Variants in CNTNAP2 observed in about 807,000 individuals in gnomAD.
CNTNAP2 encodes contactin associated protein 2, also known as contactin-associated protein-like 2.
CNTNAP2 carries 98 observed loss-of-function variants against 155.2 expected under a neutral mutation model. That is an observed-to-expected ratio of 0.63 (90% CI 0.54 to 0.75). CNTNAP2 has a LOEUF of 0.75. Among genes scored for constraint, CNTNAP2 ranks in the 30% least tolerant of loss-of-function variants. The probability of loss-of-function intolerance (pLI) is 0.00; values close to 1 mark genes in which losing one functional copy is unlikely to be tolerated. For synonymous variants in CNTNAP2, 651 were observed against 631.2 expected, an observed-to-expected ratio of 1.03 and a Z score of -0.47; for missense variants, 1,727 against 1,688.1, an observed-to-expected ratio of 1.02 and a Z score of -0.40.
At position 146,644,551 on chromosome 7, in the gene CNTNAP2, G is replaced by T. The variant is rs557238263; in HGVS notation, c.98-129720G>T. Among the ~76,000 whole-genome samples the T allele has an allele frequency of 4.7e-3, 721 of 152,148 alleles. 10 individuals carry two copies. Among genetic ancestry groups the T allele is most frequent in the African/African-American group, 0.016 (663 of 41,496 alleles). On this transcript the variant is annotated intron_variant, in intron 1 of 23. Coordinates refer to ENST00000361727, the MANE Select transcript of CNTNAP2 (RefSeq NM_014141.6). ...GGTTTTTGATGTGCTGCTGGATTCG[G>T]TTTGCCAGTATTTTATTGAGGATTT...
chr7:146,956,388 T>G (rs1797436647), intron 3 of CNTNAP2, among the ~76,000 whole-genome samples: 1 of 152,174 alleles, frequency 6.6e-6, no homozygotes, highest in South Asian at 2.1e-4. Context: ...TCCTATTTAT[T>G]CACTACATCA....
intron 1 of CNTNAP2, among the ~76,000 whole-genome samples, chr7:146,478,655 C>A (rs1274001204): frequency 6.6e-6 from 1 of 151,646 alleles, no homozygotes; most frequent in African/African-American, 2.4e-5. Context: ...TCCAGATAAC[C>A]AACCCCTCCC....
chr7:146,429,179 G>A (rs1228341750), intron 1 of CNTNAP2, among the ~76,000 whole-genome samples: 1 of 152,022 alleles, frequency 6.6e-6, no homozygotes, highest in East Asian at 1.9e-4. Flanking sequence ...CTCCATCATT[G>A]TTCTTTTTGC....
chr7:146,134,396 C>T (rs1230033193), intron 1 of CNTNAP2, among the ~76,000 whole-genome samples: 2 of 146,576 alleles, frequency 1.4e-5, no homozygotes, highest in African/African-American at 5.0e-5. Flanking sequence ...ATTGAATACC[C>T]TTTATTTCCT....
At chr7:148,096,857 TC>T (rs903289170) in intron 15 of CNTNAP2, among the ~76,000 whole-genome samples, 4 of 152,092 alleles carry the variant, frequency 2.6e-5, no homozygotes, top group Non-Finnish European at 5.9e-5. Context: ...GATCTTAATA[TC>T]CCTTAATATA....
chr7:147,270,065 A>C (rs769353814), intron 8 of CNTNAP2, among the ~76,000 whole-genome samples: 69 of 147,034 alleles, frequency 4.7e-4, no homozygotes, highest in Non-Finnish European at 9.1e-4. Flanking sequence ...TTATCACTTA[A>C]AAAAAAATTA....
intron 9 of CNTNAP2, among the ~76,000 whole-genome samples, chr7:147,316,362 G>A (rs986184594): frequency 1.3e-5 from 2 of 152,100 alleles, no homozygotes; most frequent in African/African-American, 2.4e-5. Context: ...AGGATTAGAA[G>A]AGAGGCAAAG....
intron 6 of CNTNAP2, among the ~76,000 whole-genome samples, chr7:147,126,622 C>T (rs550625831): frequency 6.2e-4 from 95 of 152,150 alleles, no homozygotes; most frequent in African/African-American, 2.2e-3. Flanking sequence ...TACAGGCATG[C>T]ACCACCACGC....
intron 11 of CNTNAP2, among the ~76,000 whole-genome samples, chr7:147,553,068 G>A (rs954088897): frequency 1.3e-5 from 2 of 152,208 alleles, no homozygotes; most frequent in African/African-American, 2.4e-5. Context: ...GAATGAGAAC[G>A]TAGTGAAAGC....
At chr7:146,580,804 G>T (rs574010922) in intron 1 of CNTNAP2, among the ~76,000 whole-genome samples, 3 of 152,078 alleles carry the variant, frequency 2.0e-5, no homozygotes, top group Non-Finnish European at 4.4e-5. Context: ...TTTCATCAAA[G>T]CTTTATCCCC....
At chr7:147,269,715 A>G (rs1408130796) in intron 8 of CNTNAP2, among the ~76,000 whole-genome samples, 1 of 152,170 alleles carries the variant, frequency 6.6e-6, no homozygotes, top group Non-Finnish European at 1.5e-5. Flanking sequence ...TTGCTAGGCA[A>G]AAGTAGTAGA....
chr7:147,849,499 A>T (rs2116664622), intron 13 of CNTNAP2, among the ~76,000 whole-genome samples: 1 of 152,302 alleles, frequency 6.6e-6, no homozygotes. Context: ...TTCTGAAGTA[A>T]TCTTGTCATT....
At chr7:147,245,304 TCTAGAGAATGCA>T (rs1804032582) in intron 8 of CNTNAP2, among the ~76,000 whole-genome samples, 1 of 152,130 alleles carries the variant, frequency 6.6e-6, no homozygotes, top group Non-Finnish European at 1.5e-5. Context: ...AGTGGAATTC[TCTAGAGAATGCA>T]TTGTGCACAA....
intron 22 of CNTNAP2, among the ~76,000 whole-genome samples, chr7:148,403,398 T>TG (rs1227940406): frequency 6.6e-6 from 1 of 152,150 alleles, no homozygotes; most frequent in Admixed American, 6.5e-5. Flanking sequence ...GTGGTTAACA[T>TG]GGAGTGTCAT....
intron 10 of CNTNAP2, among the ~76,000 whole-genome samples, chr7:147,399,273 C>A (rs1399408650): frequency 6.6e-6 from 1 of 152,188 alleles, no homozygotes; most frequent in Admixed American, 6.5e-5. Flanking sequence ...CTAAATAGAG[C>A]AACATGATGT....
chr7:147,340,450 T>G (rs1456152544), intron 9 of CNTNAP2, among the ~76,000 whole-genome samples: 1 of 152,158 alleles, frequency 6.6e-6, no homozygotes, highest in African/African-American at 2.4e-5. Context: ...GGAATACTCT[T>G]TAACCAGATA....
chr7:147,793,144 A>G (rs1271569021), intron 13 of CNTNAP2, among the ~76,000 whole-genome samples: 1 of 152,106 alleles, frequency 6.6e-6, no homozygotes, highest in African/African-American at 2.4e-5. Flanking sequence ...TTGTCTTTTT[A>G]CATTATTAAC....
chr7:147,388,025 T>C (rs990075227), intron 9 of CNTNAP2, among the ~76,000 whole-genome samples: 4 of 152,214 alleles, frequency 2.6e-5, no homozygotes, highest in Non-Finnish European at 5.9e-5. Context: ...CTATTTTCCC[T>C]GTGTATTTAT....
chr7:147,749,199 G>C (rs1262815639), intron 13 of CNTNAP2, among the ~76,000 whole-genome samples: 1 of 152,134 alleles, frequency 6.6e-6, no homozygotes, highest in Non-Finnish European at 1.5e-5. Flanking sequence ...ACAAATATGT[G>C]TTTATGAATC....
Sources: allele counts gnomAD v4.1 joint callset (sites outside exome capture counted in the v4.1 genomes callset), GRCh38; gene constraint gnomAD v4.1.1; transcripts MANE v1.5; gene names NCBI Gene and HGNC (gene_info 2026-07-23, HGNC 2026-07-21).